Variants in JPH4 observed in about 807,000 individuals in gnomAD.
The protein encoded by JPH4 is junctophilin-4.
A neutral mutation model predicts 57.6 loss-of-function variants in JPH4; 18 were observed. The observed-to-expected ratio is 0.31, with a 90% CI of 0.22 to 0.46. JPH4 has a LOEUF of 0.46. JPH4 is among the 20% of genes least tolerant of loss of function. The pLI is 1.00. For missense variants in JPH4, 727 were observed against 911.1 expected (o/e 0.80, Z 2.60); for synonymous variants, 425 against 406.6 (o/e 1.05, Z -0.54).
At position 23,573,495 on chromosome 14, in the gene JPH4, G is replaced by C. The variant is rs138378371; in HGVS notation, c.1152-1575C>G. On this transcript the variant is annotated intron_variant, in intron 3 of 5. Transcript: ENST00000356300. ...GTCTTGGGTTGTATTGAGTTATTTT[G>C]GTGGCCTGAAACTGGTGCACTGATG... Among the ~76,000 whole-genome samples the C allele has an allele frequency of 3.8e-3, 577 of 152,280 alleles. 1 individual carries two copies. The highest frequency in any genetic ancestry group is 0.013 in the African/African-American group (542 of 41,550).
In JPH4 at chr14:23,576,953, A is replaced by T; in HGVS notation, c.379+122T>A. ...AAATTGGGGGCTGGGGGTCACATCG[A>T]TGGGGAATGGTGGCGGGGGAAAGAA... On this transcript the variant is annotated intron_variant, in intron 2 of 5. Transcript: ENST00000356300. The surrounding 1 kb of genome is among the most constrained non-coding windows in gnomAD (Gnocchi z 8.0). 8.4e-7 allele frequency: 1 copy of T among 1,192,410 alleles called. No homozygotes were observed. Among genetic ancestry groups the T allele is most frequent in the Non-Finnish European group, 1.1e-6 (1 of 895,100 alleles). The allele number at this position is 1,192,410 out of a possible 1,614,324, so 73.9% of individuals were successfully genotyped here.
At chr14:23,572,672 C>G (rs1463002972) in intron 3 of JPH4, among the ~76,000 whole-genome samples, 1 of 152,160 alleles carries the variant, frequency 6.6e-6, no homozygotes, top group African/African-American at 2.4e-5. Context: ...CCCACTGCCC[C>G]CCGTCATGCT....
Position 23,576,485 on chromosome 14 carries a change from A to G in JPH4, c.380-29T>C, listed in dbSNP as rs764613137. The G allele has an allele frequency of 1.5e-6, 2 of 1,378,618 alleles. No individual in the cohort carries two copies. The highest frequency in any genetic ancestry group is 1.9e-6 in the Non-Finnish European group (2 of 1,073,888). 85.4% of individuals were successfully genotyped at this position (1,378,618 alleles called of 1,614,324 possible). On this transcript the variant is annotated intron_variant, in intron 2 of 5. Coordinates refer to ENST00000356300, the MANE Select transcript of JPH4 (RefSeq NM_001146028.2). The surrounding 1 kb of genome is among the most constrained non-coding windows in gnomAD (Gnocchi z 8.0). ...CGGGCGGCGGAGGGGTGGGAGAAAGAGTCAGGACGTGCCGCTGGGCTCCTT... is the reference window on the plus strand; with the variant it reads ...CGGGCGGCGGAGGGGTGGGAGAAAGGGTCAGGACGTGCCGCTGGGCTCCTT...
At chr14:23,570,115 G>A (rs1417967098) in intron 5 of JPH4, among the ~76,000 whole-genome samples, 2 of 152,132 alleles carry the variant, frequency 1.3e-5, no homozygotes, top group African/African-American at 4.8e-5. Context: ...GAGGGTTCTG[G>A]GCAAACTCCG....
At position 23,568,776 on chromosome 14, in the gene JPH4, A is replaced by G. The variant is rs1373633050; in HGVS notation, c.*858T>C. 5 of 985,656 alleles carry G rather than the reference A, an allele frequency of 5.1e-6. No homozygotes were observed. Among genetic ancestry groups the G allele is most frequent in the South Asian group, 4.7e-5 (1 of 21,276 alleles). 61.1% of individuals were successfully genotyped at this position (985,656 alleles called of 1,614,324 possible). A position where few individuals can be genotyped will look rare whatever the true frequency, so the allele number is the denominator to read the frequency against. On this transcript the variant is annotated 3_prime_UTR_variant, in exon 6 of 6. Coordinates refer to ENST00000356300, the MANE Select transcript of JPH4 (RefSeq NM_001146028.2). ...CTTAGGAATTTAATCAAAGGCCACA[A>G]GTGAGTCCAGACCAACCAAATAAAC...
chr14:23,570,778 A>G (rs1378710289), intron 5 of JPH4, 150 bp downstream of exon 5: 8 of 728,156 alleles, frequency 1.1e-5, no homozygotes, highest in Non-Finnish European at 1.6e-5. Context: ...AACGCCCTCT[A>G]TTTTTTTGAG....
Position 23,568,197 on chromosome 14 carries a change from G to A in JPH4, c.*1437C>T. The A allele has an allele frequency of 1.0e-6, 1 of 985,864 alleles. No homozygotes were observed. Among genetic ancestry groups the A allele is most frequent in the East Asian group, 1.1e-4 (1 of 8,810 alleles). The allele number at this position is 985,864 out of a possible 1,614,324, so 61.1% of individuals were successfully genotyped here. A position where few individuals can be genotyped will look rare whatever the true frequency, so the allele number is the denominator to read the frequency against. ...AGGTTGAGAGGGGAGGAAGGAGGGA[G>A]GCAAGCCAAGGAATAAACAAGAGTT... On this transcript the variant is annotated 3_prime_UTR_variant, in exon 6 of 6. Transcript: ENST00000356300.
chr14:23,569,679 G>A lies in JPH4; in HGVS notation c.1842C>T (p.Leu614=), dbSNP rs144807486. 10 of 1,552,226 alleles carry A rather than the reference G, an allele frequency of 6.4e-6. No homozygotes were observed. The highest frequency in any genetic ancestry group is 1.4e-5 in the African/African-American group (1 of 72,998). Residue 614 remains leucine (L), a synonymous_variant, in exon 6 of 6, where the codon CTC becomes CTT. Transcript: ENST00000356300. This position sits in a 1 kb window ranked among gnomAD's most constrained non-coding sequence, Gnocchi z 4.8. ...ANPLVVGAVA[L]LDLSLAFLFS... ...ACAGGAATGCCAGGCTGAGGTCCAG[G>A]AGGGCCACGGCTCCCACCACCAGGG...
chr14:23,569,745 C>T lies in JPH4; in HGVS notation c.1804-28G>A. 6.7e-7 allele frequency: 1 copy of T among 1,494,746 alleles called. No individual in the cohort carries two copies. The highest frequency in any genetic ancestry group is 9.1e-7 in the Non-Finnish European group (1 of 1,099,572). 92.6% of individuals were successfully genotyped at this position (1,494,746 alleles called of 1,614,324 possible). A position where few individuals can be genotyped will look rare whatever the true frequency, so the allele number is the denominator to read the frequency against. Reference sequence around the variant, plus strand: ...AGAGAGACAGAGGGGGAAGCAGACTCAGTCCCCGAGGACAGGGCCCACCTT... The same window carrying T: ...AGAGAGACAGAGGGGGAAGCAGACTTAGTCCCCGAGGACAGGGCCCACCTT... On this transcript the variant is annotated intron_variant, in intron 5 of 5. Coordinates refer to ENST00000356300, the MANE Select transcript of JPH4 (RefSeq NM_001146028.2). This position sits in a 1 kb window ranked among gnomAD's most constrained non-coding sequence, Gnocchi z 4.8.
In JPH4 at chr14:23,568,333, GA is replaced by G; in HGVS notation, c.*1300del. The stretch of plus-strand genomic sequence containing the variant: ...CCTCTGCCTCATGCAGGGGAGGGAG[GA>G]AAGATCCCCTGGGGACCCTGCAGTC... On this transcript the variant is annotated 3_prime_UTR_variant, in exon 6 of 6. Coordinates refer to ENST00000356300, the MANE Select transcript of JPH4 (RefSeq NM_001146028.2). 2 of 985,794 alleles carry G rather than the reference GA, an allele frequency of 2.0e-6. No homozygotes were observed. Among genetic ancestry groups the G allele is most frequent in the Non-Finnish European group, 2.4e-6 (2 of 829,920 alleles). 61.1% of individuals were successfully genotyped at this position (985,794 alleles called of 1,614,324 possible).
Position 23,576,602 on chromosome 14 carries a change from G to T in JPH4, c.380-146C>A, listed in dbSNP as rs1048486727. 3.1e-6 allele frequency: 2 copies of T among 648,600 alleles called. No individual in the cohort carries two copies. The highest frequency in any genetic ancestry group is 2.3e-6 in the Non-Finnish European group (1 of 441,188). The allele number at this position is 648,600 out of a possible 1,614,324, so 40.2% of individuals were successfully genotyped here. A position where few individuals can be genotyped will look rare whatever the true frequency, so the allele number is the denominator to read the frequency against. On this transcript the variant is annotated intron_variant, in intron 2 of 5. Coordinates refer to ENST00000356300, the MANE Select transcript of JPH4 (RefSeq NM_001146028.2). The surrounding 1 kb of genome is among the most constrained non-coding windows in gnomAD (Gnocchi z 8.0). ...TGGAGGTCGGGGAAGGGCACTGGGA[G>T]CCGGGAACAGGCCAGGCTGGGCCGG...
At position 23,571,470 on chromosome 14, in the gene JPH4, G is replaced by A. The variant is rs377128354; in HGVS notation, c.1271-10C>T. ...TGCCTGGGTCTGCGGCCTGGGTAGG[G>A]ATAGCTGAGAATCAGAGGGGCCTAA... On this transcript the variant is annotated splice_polypyrimidine_tract_variant and intron_variant, in intron 4 of 5. Coordinates refer to ENST00000356300, the MANE Select transcript of JPH4 (RefSeq NM_001146028.2). The surrounding 1 kb of genome is among the most constrained non-coding windows in gnomAD (Gnocchi z 4.6). The A allele has an allele frequency of 5.6e-6, 9 of 1,595,690 alleles. No individual in the cohort carries two copies. The African/African-American group carries it at 1.1e-4, about 19-fold the overall frequency.
At chr14:23,572,421 A>G (rs557236756) in intron 3 of JPH4, among the ~76,000 whole-genome samples, 1 of 151,870 alleles carries the variant, frequency 6.6e-6, no homozygotes, top group South Asian at 2.1e-4. Flanking sequence ...GGTCTAGCAC[A>G]GGGTCCTGTA....
intron 3 of JPH4, chr14:23,572,694 T>C: frequency 1.7e-6 from 1 of 585,698 alleles, no homozygotes; most frequent in South Asian, 2.1e-5. Context: ...TCCTGAGCTC[T>C]GGAACTGGAA....
rs1448237427 is a variant in JPH4 at position 23,568,277 on chromosome 14, TC to T, written c.*1356del. ...GGTGGGCATTCCTGGGCAAGGCCATTCCTTGAGGGAGGGGGTTGGCAGGCAG... is the reference window on the plus strand; with the variant it reads ...GGTGGGCATTCCTGGGCAAGGCCATTCTTGAGGGAGGGGGTTGGCAGGCAG... On this transcript the variant is annotated 3_prime_UTR_variant, in exon 6 of 6. Coordinates refer to ENST00000356300, the MANE Select transcript of JPH4 (RefSeq NM_001146028.2). The T allele has an allele frequency of 2.0e-5, 20 of 985,754 alleles. No individual in the cohort carries two copies. Among genetic ancestry groups the T allele is most frequent in the Non-Finnish European group, 2.4e-5 (20 of 829,952 alleles). The allele number at this position is 985,754 out of a possible 1,614,324, so 61.1% of individuals were successfully genotyped here.
rs75629564 is a variant in JPH4 at position 23,571,968 on chromosome 14, G to A, written c.1152-48C>T. The A allele has an allele frequency of 7.1e-4, 1,091 of 1,545,304 alleles. 12 individuals are homozygous for A. In the East Asian group the frequency reaches 0.017, roughly 24 times the overall value. ...TTTAGCAGAACTTCCCCCACTTCAAGTTAGTCCCTGCTCAGATGCTCCAGC... is the reference window on the plus strand; with the variant it reads ...TTTAGCAGAACTTCCCCCACTTCAAATTAGTCCCTGCTCAGATGCTCCAGC... On this transcript the variant is annotated intron_variant, in intron 3 of 5. Coordinates refer to ENST00000356300, the MANE Select transcript of JPH4 (RefSeq NM_001146028.2). The surrounding 1 kb of genome is among the most constrained non-coding windows in gnomAD (Gnocchi z 4.6).
intron 5 of JPH4, among the ~76,000 whole-genome samples, chr14:23,570,367 C>CTT (rs1173061430): frequency 2.1e-3 from 220 of 103,316 alleles, no homozygotes; most frequent in East Asian, 4.2e-3. Context: ...GGGCAAGTTA[C>CTT]TTTTTTTTTT....
Position 23,575,716 on chromosome 14 carries a change from C to A in JPH4, c.1120G>T (p.Ala374Ser), listed in dbSNP as rs1162445438. ...GCGGCGATCTCCTGGCGCTGACGGG[C>A]AGCACTCACGGCTCGACGGGCGCCC... ...VEGARRAVSA[A>S]RQRQEIAAAR... is the part of the protein sequence containing the mutation. The change falls in exon 3 of 6, where the codon GCC (alanine) becomes TCC (serine). Residue 374 changes from alanine to serine, a missense_variant. Ala to Ser is a moderately conservative substitution (Grantham distance 99). Transcript: ENST00000356300. The surrounding 1 kb of genome is among the most constrained non-coding windows in gnomAD (Gnocchi z 6.9). The A allele has an allele frequency of 1.0e-5, 16 of 1,606,818 alleles. No homozygotes were observed. The highest frequency in any genetic ancestry group is 3.4e-5 in the Admixed American group (2 of 59,618).
Position 23,577,136 on chromosome 14 carries a change from G to A in JPH4, c.318C>T (p.Tyr106=). Residue 106 remains tyrosine, a synonymous_variant, in exon 2 of 6, where the codon TAC becomes TAT. Coordinates refer to ENST00000356300, the MANE Select transcript of JPH4 (RefSeq NM_001146028.2). The surrounding 1 kb of genome is among the most constrained non-coding windows in gnomAD (Gnocchi z 8.4). Reference sequence around the variant, plus strand: ...GGAAACCGTCCTTCCAGAGCCCGGCGTAGCGCAGGCCGGACACGCTTTCCC... The same window carrying A: ...GGAAACCGTCCTTCCAGAGCCCGGCATAGCGCAGGCCGGACACGCTTTCCC... ...GVWESVSGLR[Y]AGLWKDGFQD... 4 of 1,552,520 alleles carry A rather than the reference G, an allele frequency of 2.6e-6. No individual in the cohort carries two copies. Among genetic ancestry groups the A allele is most frequent in the Non-Finnish European group, 3.5e-6 (4 of 1,157,614 alleles).
Sources: gnomAD v4.1 joint callset for allele counts (sites outside exome capture counted in the v4.1 genomes callset) on GRCh38, gnomAD v4.1.1 for gene constraint, Gnocchi (gnomAD v3.1) non-coding constraint, MANE v1.5 for transcripts, NCBI Gene and HGNC (gene_info 2026-07-23, HGNC 2026-07-21) for gene names.